EPG5: variants seen among roughly 807,000 people sequenced by gnomAD.
The protein encoded by EPG5 is ectopic P granules protein 5 homolog.
In EPG5, 159 loss-of-function variants were observed where a neutral mutation model predicts 302.7. That is an observed-to-expected ratio of 0.53 (90% CI 0.46 to 0.60). EPG5 has a LOEUF of 0.60. Among genes scored for constraint, EPG5 ranks in the 20% least tolerant of loss-of-function variants. The pLI is 0.00. For missense variants in EPG5, 2,896 were observed against 3,092.4 expected (o/e 0.94, Z 1.51); for synonymous variants, 1,158 against 1,136.8 (o/e 1.02, Z -0.37).
chr18:45,840,059 A>G, the EPG5 span: 1,626 of 758,288 alleles, frequency 2.1e-3, 25 homozygotes, highest in African/African-American at 0.025. Context: ...GCAGGGTTCC[A>G]TGGCACAGCT....
chr18:45,901,309 T>A, intron 25 of EPG5, 142 bp from the exon 26 acceptor site: 1 of 709,622 alleles, frequency 1.4e-6, no homozygotes, highest in Non-Finnish European at 2.3e-6. Context: ...CTCATGATCT[T>A]AAATTATTAC....
rs192368150 is a variant in EPG5 at position 45,914,844 on chromosome 18, A to G, written c.3693+667T>C. On this transcript the variant is annotated intron_variant, in intron 20 of 43. Transcript: ENST00000282041. ...CACTGAACCTCAGTTACAGCTAGACACAGTAGTGTGCCTGTAGTCCCCAAA... is the reference window on the plus strand; with the variant it reads ...CACTGAACCTCAGTTACAGCTAGACGCAGTAGTGTGCCTGTAGTCCCCAAA... Among the ~76,000 whole-genome samples the G allele has an allele frequency of 2.3e-3, 345 of 152,288 alleles. 2 individuals carry two copies. Among genetic ancestry groups the G allele is most frequent in the African/African-American group, 6.0e-3 (250 of 41,568 alleles).
At chr18:45,915,767 G>C (rs2050016801) in intron 19 of EPG5, 146 bp from the exon 20 acceptor site, 2 of 741,018 alleles carry the variant, frequency 2.7e-6, no homozygotes, top group Non-Finnish European at 4.5e-6. Flanking sequence ...AGCAGCAATA[G>C]TCCAAGGCAG....
intron 18 of EPG5, 79 bp from the exon 19 acceptor site, chr18:45,916,285 C>T (rs1321713007): frequency 6.6e-7 from 1 of 1,518,194 alleles, no homozygotes; most frequent in Non-Finnish European, 8.9e-7. Context: ...ATGCTATCTA[C>T]CTCCACTACA....
chr18:45,906,577 G>T (rs938005714), intron 24 of EPG5, among the ~76,000 whole-genome samples: 1 of 151,624 alleles, frequency 6.6e-6, no homozygotes, highest in African/African-American at 2.4e-5. Flanking sequence ...CAGCTCAAAG[G>T]TCACCACTCC....
the EPG5 span, chr18:45,838,931 G>A: frequency 1.2e-6 from 2 of 1,604,542 alleles, no homozygotes; most frequent in Non-Finnish European, 8.5e-7. Flanking sequence ...CGCTACACGT[G>A]TACGGCCGCC....
At chr18:45,883,695 G>C (rs1295369166) in intron 30 of EPG5, among the ~76,000 whole-genome samples, 1 of 123,176 alleles carries the variant, frequency 8.1e-6, no homozygotes, top group African/African-American at 3.1e-5. Context: ...CTACGCTCAA[G>C]CAATCTTCAT....
chr18:45,845,253 C>T (rs895846019), downstream of EPG5, among the ~76,000 whole-genome samples: 4 of 152,196 alleles, frequency 2.6e-5, no homozygotes, highest in Admixed American at 6.5e-5. Flanking sequence ...CTGGAAGAAG[C>T]GCCATTCCTC....
intron 36 of EPG5, among the ~76,000 whole-genome samples, chr18:45,869,395 C>T (rs545450473): frequency 2.6e-5 from 4 of 152,174 alleles, no homozygotes; most frequent in Admixed American, 6.5e-5. Context: ...TTTATTATGC[C>T]AACAAGACAC....
chr18:45,867,117 G>A, intron 37 of EPG5, 110 bp from the exon 38 acceptor site: 2 of 721,762 alleles, frequency 2.8e-6, no homozygotes, highest in Non-Finnish European at 4.7e-6. Flanking sequence ...GGTAAGCACA[G>A]AACAGTTATG....
chr18:45,873,453 T>C (rs1452235367), intron 35 of EPG5, among the ~76,000 whole-genome samples: 1 of 150,942 alleles, frequency 6.6e-6, no homozygotes, highest in African/African-American at 2.4e-5. Context: ...GAGGTTGCAG[T>C]GAGCCAAGAT....
intron 26 of EPG5, among the ~76,000 whole-genome samples, chr18:45,899,876 T>C (rs2049567517): frequency 6.6e-6 from 1 of 152,250 alleles, no homozygotes; most frequent in South Asian, 2.1e-4. Flanking sequence ...AATTCTATCC[T>C]AACTTCATCA....
Position 45,967,160 on chromosome 18 carries a change from G to A in EPG5, c.63+17C>T, listed in dbSNP as rs764436308. On this transcript the variant is annotated intron_variant, in intron 1 of 43. Transcript: ENST00000282041. The stretch of plus-strand genomic sequence containing the variant: ...AGCACACTGCCAGAGCCTCGGGAGG[G>A]TGGGGGAGATCCTCACCTTTGTTTT... 4 of 1,438,452 alleles carry A rather than the reference G, an allele frequency of 2.8e-6. No individual in the cohort carries two copies. The highest frequency in any genetic ancestry group is 3.6e-6 in the Non-Finnish European group (4 of 1,100,284). The allele number at this position is 1,438,452 out of a possible 1,614,324, so 89.1% of individuals were successfully genotyped here.
chr18:45,938,000 A>G (rs2050575506), intron 10 of EPG5, among the ~76,000 whole-genome samples: 1 of 152,176 alleles, frequency 6.6e-6, no homozygotes, highest in South Asian at 2.1e-4. Context: ...CTCTCCACTA[A>G]GCAAGCACAA....
intron 8 of EPG5, among the ~76,000 whole-genome samples, chr18:45,943,652 T>C (rs888504115): frequency 1.3e-5 from 2 of 152,158 alleles, no homozygotes; most frequent in Non-Finnish European, 2.9e-5. Flanking sequence ...CCAGGCACGG[T>C]GGCTCACGCC....
At chr18:45,895,569 A>G (rs2049452063) in intron 27 of EPG5, among the ~76,000 whole-genome samples, 1 of 152,198 alleles carries the variant, frequency 6.6e-6, no homozygotes, top group South Asian at 2.1e-4. Flanking sequence ...GAAGAAGAGA[A>G]TCAGGATAAC....
chr18:45,905,778 G>A (rs1209389866), intron 24 of EPG5, among the ~76,000 whole-genome samples: 3 of 152,272 alleles, frequency 2.0e-5, no homozygotes, highest in Admixed American at 1.3e-4. Context: ...TGATGCTGAG[G>A]AACCAGGATA....
rs1162592269 is a variant in EPG5, at chr18:45,882,406, G to C, written c.5386C>G (p.Leu1796Val). The C allele has an allele frequency of 3.1e-6, 5 of 1,614,084 alleles. No individual in the cohort carries two copies. Among genetic ancestry groups the C allele is most frequent in the Non-Finnish European group, 4.2e-6 (5 of 1,180,036 alleles). ...TCTGGTTCAAGGCCCCAGGCAGTAA[G>C]TGCCAAGTGAATGGACTCCAGAAGC... ...TRLLESIHLALTAWGLEPDED... is the reference protein window; with the variant it reads ...TRLLESIHLAVTAWGLEPDED... The change falls in exon 31 of 44, where the codon CTT becomes GTT. Residue 1796 changes from leucine to valine, a missense_variant. Leu to Val is a conservative substitution (Grantham distance 32, BLOSUM62 1). This residue lies in a region of EPG5 where 790 missense variants were observed against 798.0 expected (regional missense o/e 0.99). Coordinates refer to ENST00000282041, the MANE Select transcript of EPG5 (RefSeq NM_020964.3).
In EPG5 at chr18:45,872,071, T is replaced by A. The variant is rs1444201287; in HGVS notation, c.6050-1329A>T. 2.6e-5 allele frequency among the ~76,000 whole-genome samples: 4 copies of A among 152,112 alleles called. No individual in the cohort carries two copies. In the East Asian group the frequency reaches 7.7e-4, roughly 29 times the overall value. On this transcript the variant is annotated intron_variant, in intron 35 of 43. Transcript: ENST00000282041. ...TATGATTTGTTAATCAAAAATAACA[T>A]TAATTTTTTAATTTTAGAAACGGTG...
Sources: gnomAD v4.1 joint callset for allele counts (sites outside exome capture counted in the v4.1 genomes callset) on GRCh38, gnomAD v4.1.1 for gene constraint, gnomAD v4.1.1 regional missense constraint, MANE v1.5 for transcripts, NCBI Gene and HGNC (gene_info 2026-07-23, HGNC 2026-07-21) for gene names.